Variants in C17orf67 observed in about 807,000 individuals in gnomAD.
C17orf67 encodes the protein chromosome 17 open reading frame 67.
In C17orf67, 12 loss-of-function variants were observed where a neutral mutation model predicts 11.2. That is an observed-to-expected ratio of 1.07 (90% CI 0.68 to 1.73). The LOEUF is 1.73. C17orf67 is among the 40% of genes most tolerant of loss of function. C17orf67 has a pLI of 0.00. For missense variants in C17orf67, 115 were observed against 113.5 expected, an observed-to-expected ratio of 1.01 and a Z score of -0.06; for synonymous variants, 59 against 46.9, an observed-to-expected ratio of 1.26 and a Z score of -1.05.
intron 6 of C17orf67, among the ~76,000 whole-genome samples, chr17:56,807,423 T>C (rs909812954): frequency 6.6e-6 from 1 of 152,142 alleles, no homozygotes; most frequent in African/African-American, 2.4e-5. Context: ...TGAACAGGGA[T>C]CACCTGGGGG....
At chr17:56,795,959 G>A (rs1905206243) in intron 6 of C17orf67, among the ~76,000 whole-genome samples, 1 of 152,162 alleles carries the variant, frequency 6.6e-6, no homozygotes, top group Admixed American at 6.5e-5. Flanking sequence ...ACTAAATCAT[G>A]TAATATATTA....
At chr17:56,805,136 G>A (rs1327450147) in intron 6 of C17orf67, among the ~76,000 whole-genome samples, 2 of 152,166 alleles carry the variant, frequency 1.3e-5, no homozygotes, top group Admixed American at 1.3e-4. Context: ...GTCAAAAATA[G>A]CAACCTTGCG....
intron 6 of C17orf67, among the ~76,000 whole-genome samples, chr17:56,813,069 C>A (rs1250850299): frequency 6.6e-6 from 1 of 152,162 alleles, no homozygotes; most frequent in Non-Finnish European, 1.5e-5. Context: ...TTAGAGCTGC[C>A]TCTCGAGCAC....
At chr17:56,795,017 AG>A in intron 7 of C17orf67, 26 bp downstream of exon 7, 1 of 1,502,338 alleles carries the variant, frequency 6.7e-7, no homozygotes, top group Non-Finnish European at 9.2e-7. Flanking sequence ...CCTCAGACAG[AG>A]GTCCGGGAGA....
At chr17:56,794,137 G>A (rs772929096) in intron 7 of C17orf67, among the ~76,000 whole-genome samples, 3 of 152,176 alleles carry the variant, frequency 2.0e-5, no homozygotes, top group Non-Finnish European at 4.4e-5. Context: ...TGGGGTTAAA[G>A]TGCATGCCCT....
chr17:56,808,452 C>T (rs1905509652), intron 6 of C17orf67, among the ~76,000 whole-genome samples: 1 of 152,168 alleles, frequency 6.6e-6, no homozygotes, highest in Non-Finnish European at 1.5e-5. Flanking sequence ...TCCATACACT[C>T]AAAATCCCTC....
chr17:56,817,347 C>G (rs1231906491), intron 4 of C17orf67, among the ~76,000 whole-genome samples: 1 of 152,012 alleles, frequency 6.6e-6, no homozygotes, highest in Non-Finnish European at 1.5e-5. Flanking sequence ...ATGTGCTGCC[C>G]ACACAGTCAA....
intron 2 of C17orf67, among the ~76,000 whole-genome samples, chr17:56,831,439 G>A (rs562594250): frequency 1.3e-5 from 2 of 152,322 alleles, no homozygotes; most frequent in African/African-American, 2.4e-5. Flanking sequence ...CTTGGGAACA[G>A]GACCTTTTGA....
intron 6 of C17orf67, among the ~76,000 whole-genome samples, chr17:56,813,677 A>G (rs1236111528): frequency 6.6e-6 from 1 of 152,122 alleles, no homozygotes; most frequent in Admixed American, 6.5e-5. Context: ...ACAGACTTTG[A>G]GCAGAAACCT....
intron 5 of C17orf67, 123 bp downstream of exon 5, chr17:56,815,633 A>G: frequency 1.4e-6 from 1 of 732,994 alleles, no homozygotes; most frequent in Non-Finnish European, 1.8e-6. Flanking sequence ...AAATAAGAAA[A>G]GAAAGAGCAT....
At position 56,792,444 on chromosome 17, in the gene C17orf67, A is replaced by C. The variant is rs563108881; in HGVS notation, c.*21-92T>G. The stretch of plus-strand genomic sequence containing the variant: ...TGATGATGGTGTGGCAGTGATGGTG[A>C]TGATGGTGATTGTGGTGGTGGTAAT... On this transcript the variant is annotated intron_variant, in intron 7 of 7. Coordinates refer to ENST00000397861, the MANE Select transcript of C17orf67 (RefSeq NM_001085430.4). The C allele has an allele frequency of 3.2e-4, 47 of 147,272 alleles. 1 individual carries two copies. The highest frequency in any genetic ancestry group is 1.2e-3 in the African/African-American group (47 of 39,602). The allele number at this position is 147,272 out of a possible 1,614,324, so 9.1% of individuals were successfully genotyped here.
In C17orf67 at chr17:56,816,007, C is replaced by T; in HGVS notation, c.-197G>A. 8.8e-7 allele frequency: 1 copy of T among 1,140,014 alleles called. No homozygotes were observed. The highest frequency in any genetic ancestry group is 1.2e-6 in the Non-Finnish European group (1 of 838,102). The allele number at this position is 1,140,014 out of a possible 1,614,324, so 70.6% of individuals were successfully genotyped here. On this transcript the variant is annotated 5_prime_UTR_variant, in exon 5 of 8. An upstream start codon of the reference 5' UTR is lost. Coordinates refer to ENST00000397861, the MANE Select transcript of C17orf67 (RefSeq NM_001085430.4). Reference sequence around the variant, plus strand: ...TTTCCTCCGAATTCCTGTAAATTTTCATCCTGAGGAAGGAAATTGTTCCTC... The same window carrying T: ...TTTCCTCCGAATTCCTGTAAATTTTTATCCTGAGGAAGGAAATTGTTCCTC...
chr17:56,829,681 A>G (rs1245397722), intron 2 of C17orf67, among the ~76,000 whole-genome samples: 3 of 152,192 alleles, frequency 2.0e-5, no homozygotes, highest in Admixed American at 1.3e-4. Context: ...CTGACACTGC[A>G]GCCAGCTCCT....
chr17:56,832,608 C>T (rs1328526672), intron 2 of C17orf67, among the ~76,000 whole-genome samples: 1 of 152,152 alleles, frequency 6.6e-6, no homozygotes, highest in Non-Finnish European at 1.5e-5. Flanking sequence ...GCACTGTCGC[C>T]TAACCTTACT....
intron 2 of C17orf67, among the ~76,000 whole-genome samples, chr17:56,831,014 C>T (rs1017868820): frequency 4.6e-5 from 7 of 152,156 alleles, no homozygotes; most frequent in Non-Finnish European, 8.8e-5. Context: ...GAACGATGGC[C>T]AGAGTGGTAA....
In C17orf67 at chr17:56,816,022, A is replaced by T; in HGVS notation, c.-200-12T>A. On this transcript the variant is annotated splice_polypyrimidine_tract_variant and intron_variant, in intron 4 of 7. Coordinates refer to ENST00000397861, the MANE Select transcript of C17orf67 (RefSeq NM_001085430.4). ...TGTAAATTTTCATCCTGAGGAAGGAAATTGTTCCTCTGTAATATGACTTTC... is the reference window on the plus strand; with the variant it reads ...TGTAAATTTTCATCCTGAGGAAGGATATTGTTCCTCTGTAATATGACTTTC... 1.0e-6 allele frequency: 1 copy of T among 955,528 alleles called. No homozygotes were observed. The highest frequency in any genetic ancestry group is 1.5e-6 in the Non-Finnish European group (1 of 679,702). The allele number at this position is 955,528 out of a possible 1,614,324, so 59.2% of individuals were successfully genotyped here. A position where few individuals can be genotyped will look rare whatever the true frequency, so the allele number is the denominator to read the frequency against.
chr17:56,811,158 G>C (rs1251581212), intron 6 of C17orf67, among the ~76,000 whole-genome samples: 1 of 152,138 alleles, frequency 6.6e-6, no homozygotes, highest in Admixed American at 6.5e-5. Context: ...ACCTGTGTCA[G>C]CCCCAAGGTT....
Position 56,833,142 on chromosome 17 carries a change from G to A in C17orf67, c.-801C>T, listed in dbSNP as rs1906282963. 6.6e-6 allele frequency: 1 copy of A among 152,434 alleles called. No individual in the cohort carries two copies. The highest frequency in any genetic ancestry group is 2.1e-4 in the South Asian group (1 of 4,858). The allele number at this position is 152,434 out of a possible 1,614,324, so 9.4% of individuals were successfully genotyped here. On this transcript the variant is annotated 5_prime_UTR_variant, in exon 2 of 8. Transcript: ENST00000397861. The stretch of plus-strand genomic sequence containing the variant: ...TATGTAGTAGGAAGGAAGCCGCTGA[G>A]TGCAGCTGTGCGCGCCGGGGCGGTG...
intron 4 of C17orf67, among the ~76,000 whole-genome samples, chr17:56,820,910 GTTTT>G (rs1905887543): frequency 1.3e-5 from 2 of 151,486 alleles, no homozygotes; most frequent in Admixed American, 1.3e-4. Context: ...AGAGAACTTC[GTTTT>G]GTTTTTGTTT....
Sources: gnomAD v4.1 joint callset for allele counts (sites outside exome capture counted in the v4.1 genomes callset) on GRCh38, gnomAD v4.1.1 for gene constraint, MANE v1.5 for transcripts, NCBI Gene and HGNC (gene_info 2026-07-23, HGNC 2026-07-21) for gene names.